Variants in IL4R observed in about 807,000 individuals in gnomAD.
The protein encoded by IL4R is interleukin-4 receptor subunit alpha.
In IL4R, 17 loss-of-function variants were observed where a neutral mutation model predicts 41.5. The observed-to-expected ratio is 0.41, with a 90% confidence interval of 0.28 to 0.61. The LOEUF (loss-of-function observed/expected upper bound fraction) is 0.61. Ranked by LOEUF, IL4R falls within the 20% of genes least tolerant of loss-of-function variation. IL4R has a pLI of 0.31. For synonymous variants in IL4R, 402 were observed against 422.9 expected (o/e 0.95, Z 0.61); for missense variants, 974 against 1,043.1 (o/e 0.93, Z 0.91).
At chr16:27,329,129 C>T (rs1170983969) in intron 1 of IL4R, among the ~76,000 whole-genome samples, 1 of 151,866 alleles carries the variant, frequency 6.6e-6, no homozygotes, top group East Asian at 1.9e-4. Flanking sequence ...TAGAAGTGTG[C>T]GGCACCTCCC....
At chr16:27,346,680 GA>G in intron 6 of IL4R, 62 bp downstream of exon 6, 1 of 1,571,780 alleles carries the variant, frequency 6.4e-7, no homozygotes, top group Non-Finnish European at 8.7e-7. Context: ...GTGACCAGCA[GA>G]GGCCCAGTCC....
chr16:27,329,038 T>C (rs1289619207), intron 1 of IL4R, among the ~76,000 whole-genome samples: 5 of 152,040 alleles, frequency 3.3e-5, no homozygotes. Context: ...TGGTGGGAGA[T>C]GTTGGGTCAT....
chr16:27,314,077 G>A lies in IL4R; in HGVS notation c.-152+57G>A, dbSNP rs2084550476. The stretch of plus-strand genomic sequence containing the variant: ...TGCGAAGGTATCGCCCGGGCACGCC[G>A]GCTGAGGGCGTTCGGGAAGGGCTCG... On this transcript the variant is annotated intron_variant, in intron 1 of 10. Transcript: ENST00000395762. 12 of 985,252 alleles carry A rather than the reference G, an allele frequency of 1.2e-5. No homozygotes were observed. The South Asian group carries it at 5.6e-4, about 46-fold the overall frequency. 61.0% of individuals were successfully genotyped at this position (985,252 alleles called of 1,614,324 possible).
chr16:27,362,205 T>G, intron 10 of IL4R, 47 bp from the exon 11 acceptor site: 3 of 1,578,258 alleles, frequency 1.9e-6, no homozygotes, highest in African/African-American at 1.4e-5. Flanking sequence ...TGAATAGGAG[T>G]TTTTCAAGTG....
chr16:27,320,916 C>G (rs1028787171), intron 1 of IL4R, among the ~76,000 whole-genome samples: 2 of 151,644 alleles, frequency 1.3e-5, no homozygotes, highest in African/African-American at 4.8e-5. Context: ...GAAAATCTTC[C>G]TGAGATTTAG....
chr16:27,336,156 A>G (rs747034929), intron 2 of IL4R, among the ~76,000 whole-genome samples: 8 of 152,162 alleles, frequency 5.3e-5, no homozygotes, highest in Non-Finnish European at 7.4e-5. Context: ...TAACCTACTG[A>G]ACGTTATAGC....
At chr16:27,322,266 T>C (rs915660621) in intron 1 of IL4R, among the ~76,000 whole-genome samples, 14 of 152,186 alleles carry the variant, frequency 9.2e-5, no homozygotes, top group African/African-American at 3.4e-4. Flanking sequence ...GGGTTCAGGA[T>C]TTTTATACCT....
intron 9 of IL4R, among the ~76,000 whole-genome samples, chr16:27,359,533 T>A (rs1237414133): frequency 3.9e-5 from 6 of 151,924 alleles, no homozygotes; most frequent in Admixed American, 3.9e-4. Context: ...GTTCTCTAGG[T>A]AGGAGAAAGG....
At chr16:27,320,937 T>A (rs937467531) in intron 1 of IL4R, among the ~76,000 whole-genome samples, 54 of 123,812 alleles carry the variant, frequency 4.4e-4, no homozygotes, top group African/African-American at 1.4e-3. Flanking sequence ...CCAAATTAGC[T>A]TTCTTTCTTT....
intron 1 of IL4R, among the ~76,000 whole-genome samples, chr16:27,324,914 C>G (rs187430412): frequency 6.6e-6 from 1 of 152,176 alleles, no homozygotes; most frequent in Non-Finnish European, 1.5e-5. Flanking sequence ...CCTCTGTCCC[C>G]GCTCTCCCCA....
rs1567301499 is a variant in IL4R, at chr16:27,317,061, G to GC, written c.-152+3041_-152+3042insC. Among the ~76,000 whole-genome samples the GC allele has an allele frequency of 2.9e-4, 44 of 151,998 alleles. 1 individual carries two copies. The highest frequency in any genetic ancestry group is 7.9e-4 in the Admixed American group (12 of 15,256). ...TGGGACTACAGGTGTGTGCCACCAC[G>GC]GCTGGCTAATTGTTTTTATATTTTT... On this transcript the variant is annotated intron_variant, in intron 1 of 10. Coordinates refer to ENST00000395762, the MANE Select transcript of IL4R (RefSeq NM_000418.4).
Position 27,363,485 on chromosome 16 carries a change from T to G in IL4R, c.2133T>G (p.Ile711Met). 1.9e-6 allele frequency: 3 copies of G among 1,614,082 alleles called. No individual in the cohort carries two copies. The highest frequency in any genetic ancestry group is 1.1e-5 in the South Asian group (1 of 91,074). Residue 711 changes from isoleucine (I) to methionine (M), a missense_variant, in exon 11 of 11, where the codon ATT becomes ATG. This residue lies in a region of IL4R where 682 missense variants were observed against 704.3 expected (regional missense o/e 0.97). Transcript: ENST00000395762. ...TTGTGGACAGCCTGGGCAGTGGCAT[T>G]GTCTACTCAGCCCTTACCTGCCACC... ...DPLVDSLGSGIVYSALTCHLC... is the reference protein window; with the variant it reads ...DPLVDSLGSGMVYSALTCHLC...
At chr16:27,339,415 G>A (rs556692100) in intron 2 of IL4R, among the ~76,000 whole-genome samples, 11 of 152,152 alleles carry the variant, frequency 7.2e-5, no homozygotes, top group South Asian at 2.1e-4. Context: ...AAAGTGTTCC[G>A]GTCACTGTTG....
chr16:27,357,586 C>T (rs2086121866), intron 8 of IL4R, among the ~76,000 whole-genome samples: 2 of 152,188 alleles, frequency 1.3e-5, no homozygotes, highest in Middle Eastern at 3.4e-3. Context: ...GCCTTAGCCT[C>T]CCGACTAGCT....
intron 4 of IL4R, among the ~76,000 whole-genome samples, chr16:27,343,956 C>T (rs1003576907): frequency 6.6e-6 from 1 of 152,134 alleles, no homozygotes; most frequent in Non-Finnish European, 1.5e-5. Flanking sequence ...CCCCAGACTT[C>T]ACCACTAGGC....
chr16:27,331,816 T>C (rs1338321112), intron 2 of IL4R, among the ~76,000 whole-genome samples: 2 of 152,040 alleles, frequency 1.3e-5, no homozygotes, highest in Non-Finnish European at 2.9e-5. Context: ...TTCAGAATAA[T>C]CACACAGATT....
intron 2 of IL4R, among the ~76,000 whole-genome samples, 188 bp downstream of exon 2, chr16:27,330,386 C>A (rs1223852435): frequency 9.7e-4 from 120 of 123,820 alleles, no homozygotes; most frequent in Admixed American, 1.1e-3. Flanking sequence ...GACTCCATCT[C>A]AAAAAAAAAA....
Position 27,364,129 on chromosome 16 carries a change from G to C in IL4R, c.*299G>C, listed in dbSNP as rs77218469. On this transcript the variant is annotated 3_prime_UTR_variant, in exon 11 of 11. Transcript: ENST00000395762. ...CCCTTGGGCACCTCGACTTGTGAAC[G>C]AGTTGTTGGCTGCTCCCTCCACAGC... 1,473 of 362,620 alleles carry C rather than the reference G, an allele frequency of 4.1e-3. 17 individuals carry two copies. The highest frequency in any genetic ancestry group is 0.027 in the African/African-American group (1,292 of 48,350). 22.5% of individuals were successfully genotyped at this position (362,620 alleles called of 1,614,324 possible).
At chr16:27,341,453 G>C (rs2085439724) in intron 3 of IL4R, 4 of 498,066 alleles carry the variant, frequency 8.0e-6, no homozygotes, top group Non-Finnish European at 1.4e-5. Context: ...GCGTGGCACT[G>C]AGCATGGGAG....
Sources: gnomAD v4.1 joint callset for allele counts (sites outside exome capture counted in the v4.1 genomes callset) on GRCh38, gnomAD v4.1.1 for gene constraint, gnomAD v4.1.1 regional missense constraint, MANE v1.5 for transcripts, NCBI Gene and HGNC (gene_info 2026-07-23, HGNC 2026-07-21) for gene names.